GRIK3: variants seen among roughly 807,000 people sequenced by gnomAD.
The protein encoded by GRIK3 is glutamate receptor ionotropic, kainate 3.
Under a neutral mutation model 102.5 loss-of-function variants are expected in GRIK3, and 29 were observed. The ratio of observed to expected loss-of-function variants is 0.28; its 90% CI spans 0.21 to 0.39. GRIK3 has a LOEUF of 0.39. Among genes scored for constraint, GRIK3 ranks in the 10% least tolerant of loss-of-function variants. The probability of loss-of-function intolerance (pLI) is 1.00; values close to 1 mark genes in which losing one functional copy is unlikely to be tolerated. For missense variants in GRIK3, 908 were observed against 1,252.4 expected, an observed-to-expected ratio of 0.73 and a Z score of 4.15; for synonymous variants, 511 against 504.9, an observed-to-expected ratio of 1.01 and a Z score of -0.16.
intron 1 of GRIK3, among the ~76,000 whole-genome samples, chr1:36,984,054 G>C (rs964661106): frequency 2.0e-5 from 3 of 152,186 alleles, no homozygotes; most frequent in African/African-American, 7.2e-5. Flanking sequence ...GACTGCAACA[G>C]CATGTTCTTC....
chr1:36,999,854 G>A (rs1164871072), intron 1 of GRIK3, among the ~76,000 whole-genome samples: 1 of 152,140 alleles, frequency 6.6e-6, no homozygotes, highest in African/African-American at 2.4e-5. Context: ...TAAATTGGCT[G>A]GGCATGGTGG....
chr1:36,972,150 C>T (rs554955606), intron 1 of GRIK3, among the ~76,000 whole-genome samples: 7 of 152,252 alleles, frequency 4.6e-5, no homozygotes, highest in Non-Finnish European at 1.0e-4. Context: ...TTGGCATGGG[C>T]TCCGCCACGT....
intron 1 of GRIK3, among the ~76,000 whole-genome samples, chr1:36,943,435 C>T (rs80230109): frequency 0.011 from 1,722 of 152,248 alleles, 11 homozygotes; most frequent in Non-Finnish European, 0.017. Context: ...TAGCCTTCCT[C>T]TGACTCCATT....
intron 1 of GRIK3, among the ~76,000 whole-genome samples, chr1:36,980,570 C>G (rs1489199095): frequency 6.6e-6 from 1 of 151,924 alleles, no homozygotes; most frequent in Non-Finnish European, 1.5e-5. Context: ...GGACCGCCCC[C>G]CACCCCACAC....
At chr1:36,810,735 C>T (rs550192849) in intron 13 of GRIK3, among the ~76,000 whole-genome samples, 2 of 152,310 alleles carry the variant, frequency 1.3e-5, no homozygotes, top group Non-Finnish European at 2.9e-5. Flanking sequence ...AGTGTGGAAT[C>T]TTTGGCCTTA....
chr1:36,822,132 C>A (rs1642701960), intron 11 of GRIK3, among the ~76,000 whole-genome samples: 1 of 152,190 alleles, frequency 6.6e-6, no homozygotes, highest in South Asian at 2.1e-4. Context: ...GCTGGAAAAT[C>A]ATCCTTGGAC....
At chr1:36,839,806 C>T (rs971134553) in intron 10 of GRIK3, among the ~76,000 whole-genome samples, 4 of 152,244 alleles carry the variant, frequency 2.6e-5, no homozygotes, top group African/African-American at 9.6e-5. Flanking sequence ...CACAGGAGCC[C>T]AATTTGCTGG....
chr1:37,017,858 C>A (rs1474323878), intron 1 of GRIK3, among the ~76,000 whole-genome samples: 1 of 152,154 alleles, frequency 6.6e-6, no homozygotes, highest in Non-Finnish European at 1.5e-5. Flanking sequence ...CTGAGTGAGA[C>A]CACTGACCCT....
chr1:36,956,658 G>A (rs920519586), intron 1 of GRIK3, among the ~76,000 whole-genome samples: 1 of 152,142 alleles, frequency 6.6e-6, no homozygotes, highest in African/African-American at 2.4e-5. Flanking sequence ...GGAAGGTGAG[G>A]GGAGCACAGA....
chr1:36,859,287 G>C (rs762238270), intron 6 of GRIK3, 36 bp from the exon 7 acceptor site: 1 of 1,578,874 alleles, frequency 6.3e-7, no homozygotes, highest in Non-Finnish European at 8.6e-7. Flanking sequence ...CGGCTCCCAA[G>C]GCCCTCCAGT....
At chr1:36,992,162 C>G (rs1642369626) in intron 1 of GRIK3, among the ~76,000 whole-genome samples, 1 of 152,214 alleles carries the variant, frequency 6.6e-6, no homozygotes, top group South Asian at 2.1e-4. Flanking sequence ...AACACGATGC[C>G]ATCTTCCGCC....
intron 1 of GRIK3, among the ~76,000 whole-genome samples, chr1:36,968,261 GTGTGTC>G (rs1191009669): frequency 8.0e-6 from 1 of 125,056 alleles, no homozygotes; most frequent in Non-Finnish European, 1.6e-5. Context: ...GTGTGTGTGT[GTGTGTC>G]TTCTTTGTTT....
At chr1:36,950,871 A>C (rs2124334901) in intron 1 of GRIK3, among the ~76,000 whole-genome samples, 1 of 152,350 alleles carries the variant, frequency 6.6e-6, no homozygotes, top group Middle Eastern at 3.4e-3. Context: ...CCCTGGGATG[A>C]TAGAAGCCTC....
chr1:36,860,644 A>G (rs1463755508), intron 5 of GRIK3, among the ~76,000 whole-genome samples: 1 of 152,116 alleles, frequency 6.6e-6, no homozygotes, highest in Non-Finnish European at 1.5e-5. Context: ...AACGCAGGTG[A>G]GGCTGGCTGT....
intron 3 of GRIK3, among the ~76,000 whole-genome samples, chr1:36,876,952 G>T (rs1292559245): frequency 6.6e-6 from 1 of 152,174 alleles, no homozygotes; most frequent in Admixed American, 6.5e-5. Context: ...AATATTGAAG[G>T]AAAGAGTATA....
At chr1:37,014,949 C>A (rs975985682) in intron 1 of GRIK3, among the ~76,000 whole-genome samples, 8 of 150,818 alleles carry the variant, frequency 5.3e-5, no homozygotes, top group Non-Finnish European at 8.8e-5. Flanking sequence ...CTCTCTCTCT[C>A]TCTCTCTCTC....
At chr1:36,927,195 G>A (rs756126854) in intron 1 of GRIK3, among the ~76,000 whole-genome samples, 3 of 152,216 alleles carry the variant, frequency 2.0e-5, no homozygotes, top group Non-Finnish European at 4.4e-5. Flanking sequence ...TAACAGTCAT[G>A]CAGCCCAGGG....
intron 13 of GRIK3, among the ~76,000 whole-genome samples, chr1:36,809,374 TC>T (rs1326987130): frequency 6.6e-6 from 1 of 152,164 alleles, no homozygotes; most frequent in Non-Finnish European, 1.5e-5. Flanking sequence ...TATCTATCCA[TC>T]CATCCATCCG....
intron 13 of GRIK3, among the ~76,000 whole-genome samples, chr1:36,815,953 A>T (rs1176744572): frequency 3.3e-5 from 5 of 151,650 alleles, no homozygotes; most frequent in African/African-American, 1.2e-4. Flanking sequence ...GTGTCACCAT[A>T]TTGGCCAGGC....
Sources: gnomAD v4.1 joint callset for allele counts (sites outside exome capture counted in the v4.1 genomes callset) on GRCh38, gnomAD v4.1.1 for gene constraint, MANE v1.5 for transcripts, NCBI Gene and HGNC (gene_info 2026-07-23, HGNC 2026-07-21) for gene names.